Variants in ALKBH8 observed in about 807,000 individuals in gnomAD.
ALKBH8 encodes the protein alkB homolog 8, tRNA methyltransferase.
In ALKBH8, 36 loss-of-function variants were observed where a neutral mutation model predicts 59.8. The observed-to-expected ratio is 0.60, with a 90% CI of 0.46 to 0.79. ALKBH8 has a LOEUF of 0.79. Ranked by LOEUF, ALKBH8 falls within the 30% of genes least tolerant of loss-of-function variation. ALKBH8 has a pLI of 0.00. For missense variants in ALKBH8, 768 were observed against 801.0 expected (o/e 0.96, Z 0.50); for synonymous variants, 276 against 273.6 (o/e 1.01, Z -0.09).
At chr11:107,547,343 A>T (rs1864303474) in intron 7 of ALKBH8, among the ~76,000 whole-genome samples, 1 of 152,198 alleles carries the variant, frequency 6.6e-6, no homozygotes, top group South Asian at 2.1e-4. Flanking sequence ...GCAAGAGTGG[A>T]AAGTCATCTC....
At position 107,551,959 on chromosome 11, in the gene ALKBH8, C is replaced by T. The variant is rs566707609; in HGVS notation, c.596-47G>A. ...ACAAAACATTAAAATATTTACTTTG[C>T]TTGTTTTACTCAACAATTTTAAAAG... is the stretch of plus-strand genomic sequence containing the variant. On this transcript the variant is annotated intron_variant, in intron 5 of 11. Transcript: ENST00000428149. The T allele has an allele frequency of 1.5e-5, 17 of 1,122,474 alleles. No individual in the cohort carries two copies. In the East Asian group the frequency reaches 4.8e-4, roughly 32 times the overall value. The allele number at this position is 1,122,474 out of a possible 1,614,324, so 69.5% of individuals were successfully genotyped here. A position where few individuals can be genotyped will look rare whatever the true frequency, so the allele number is the denominator to read the frequency against.
rs1266488248 is a variant in ALKBH8 at position 107,553,942 on chromosome 11, G to T, written c.404C>A (p.Pro135Gln). Reference sequence around the variant, plus strand: ...TATTTCTTCTACTACCATGAGTCCTGGTGGTAAGGCTTGAGGCCTCAACTC... The same window carrying T: ...TATTTCTTCTACTACCATGAGTCCTTGTGGTAAGGCTTGAGGCCTCAACTC... Reference protein sequence around the residue: ...WKELRPQALPPGLMVVEEIIS... With the variant: ...WKELRPQALPQGLMVVEEIIS... Residue 135 changes from proline (P) to glutamine (Q), a missense_variant, in exon 4 of 12, where the codon CCA becomes CAA. Transcript: ENST00000428149. 6 of 1,613,740 alleles carry T rather than the reference G, an allele frequency of 3.7e-6. No individual in the cohort carries two copies. The highest frequency in any genetic ancestry group is 5.1e-6 in the Non-Finnish European group (6 of 1,179,820).
rs555062211 is a variant in ALKBH8 at position 107,532,313 on chromosome 11, G to A, written c.865C>T (p.Leu289Phe). 1.2e-5 allele frequency: 20 copies of A among 1,613,082 alleles called. 1 individual carries two copies. The South Asian group carries it at 1.9e-4, about 15-fold the overall frequency. The change falls in exon 8 of 12, where the codon CTT becomes TTT. Residue 289 changes from leucine to phenylalanine, a missense_variant. Leu to Phe is a conservative substitution (Grantham distance 22, BLOSUM62 0). Transcript: ENST00000428149. Reference protein sequence around the residue: ...LLVMTGESRYLWTHGITCRKF... With the variant: ...LLVMTGESRYFWTHGITCRKF... The stretch of plus-strand genomic sequence containing the variant: ...TTCAATACATACCCATGGGTCCAAA[G>A]GTATCTAGATTCTCCTGTCATCACC...
intron 9 of ALKBH8, among the ~76,000 whole-genome samples, chr11:107,524,835 A>T (rs141952793): frequency 1.5e-3 from 234 of 152,322 alleles, no homozygotes; most frequent in African/African-American, 5.2e-3. Flanking sequence ...TATTATTACT[A>T]TCATTACAAA....
At chr11:107,544,001 T>A (rs1200710387) in intron 7 of ALKBH8, among the ~76,000 whole-genome samples, 2 of 152,230 alleles carry the variant, frequency 1.3e-5, no homozygotes, top group Non-Finnish European at 2.9e-5. Flanking sequence ...ATGTCTGCAG[T>A]ATGTACATAT....
chr11:107,558,258 T>C (rs374822238), intron 2 of ALKBH8, among the ~76,000 whole-genome samples: 102 of 152,100 alleles, frequency 6.7e-4, no homozygotes, highest in African/African-American at 2.4e-3. Flanking sequence ...AATTGGACAA[T>C]AAGGAAAGTA....
chr11:107,565,648 T>G lies in ALKBH8; in HGVS notation c.-54A>C. The G allele has an allele frequency of 6.5e-7, 1 of 1,535,706 alleles. No homozygotes were observed. On this transcript the variant is annotated 5_prime_UTR_variant, in exon 1 of 12. Coordinates refer to ENST00000428149, the MANE Select transcript of ALKBH8 (RefSeq NM_138775.3). ...TTCTCACCATGCGTGTGCCTTCTTCTTTGCCAGCCTCTCCACTCTAGCACC... is the reference window on the plus strand; with the variant it reads ...TTCTCACCATGCGTGTGCCTTCTTCGTTGCCAGCCTCTCCACTCTAGCACC...
chr11:107,516,797 T>C (rs1329466932), intron 10 of ALKBH8, among the ~76,000 whole-genome samples: 1 of 152,144 alleles, frequency 6.6e-6, no homozygotes, highest in Non-Finnish European at 1.5e-5. Flanking sequence ...GGTGGGTGGA[T>C]CACTGAAGCC....
intron 10 of ALKBH8, among the ~76,000 whole-genome samples, chr11:107,517,689 C>T (rs1862923673): frequency 6.6e-6 from 1 of 152,156 alleles, no homozygotes; most frequent in Non-Finnish European, 1.5e-5. Context: ...TGATCTCACT[C>T]ATACTTGGAA....
chr11:107,520,399 T>A (rs1024379444), intron 10 of ALKBH8, among the ~76,000 whole-genome samples: 1 of 152,232 alleles, frequency 6.6e-6, no homozygotes, highest in Non-Finnish European at 1.5e-5. Context: ...TTTCTGTTTA[T>A]CAAGAAATCA....
chr11:107,543,505 T>TA lies in ALKBH8; in HGVS notation c.771+6247dup, dbSNP rs535427904. Among the ~76,000 whole-genome samples, 62 of 152,338 alleles carry TA rather than the reference T, an allele frequency of 4.1e-4. No homozygotes were observed. The South Asian group carries it at 0.013, about 31-fold the overall frequency. The stretch of plus-strand genomic sequence containing the variant: ...CAACCAACATGCTCCATTCCTTCTA[T>TA]AATGTGTACCCATGCCCTGAATATT... On this transcript the variant is annotated intron_variant, in intron 7 of 11. Coordinates refer to ENST00000428149, the MANE Select transcript of ALKBH8 (RefSeq NM_138775.3).
chr11:107,527,275 G>A (rs909528700), intron 8 of ALKBH8, among the ~76,000 whole-genome samples: 1 of 151,892 alleles, frequency 6.6e-6, no homozygotes, highest in African/African-American at 2.4e-5. Context: ...CTCCAGGCAA[G>A]GTTATCTCTC....
chr11:107,532,277 T>C, intron 8 of ALKBH8, 23 bp downstream of exon 8: 1 of 1,585,680 alleles, frequency 6.3e-7, no homozygotes, highest in Non-Finnish European at 8.6e-7. Flanking sequence ...AGAAAAAGAA[T>C]CCTGTCATAT....
At chr11:107,565,489 C>T in intron 1 of ALKBH8, 112 bp downstream of exon 1, 1 of 1,476,200 alleles carries the variant, frequency 6.8e-7, no homozygotes, top group Non-Finnish European at 9.1e-7. Context: ...CATCCCCTTT[C>T]CCTAGGTTCT....
chr11:107,536,555 C>A (rs1364640141), intron 7 of ALKBH8, among the ~76,000 whole-genome samples: 1 of 152,128 alleles, frequency 6.6e-6, no homozygotes, highest in East Asian at 1.9e-4. Context: ...AGCACCAACT[C>A]CCCCCAGTCC....
chr11:107,504,972 T>C lies in ALKBH8; in HGVS notation c.1681A>G (p.Asn561Asp), dbSNP rs1258566168. 1 of 1,551,784 alleles carries C rather than the reference T, an allele frequency of 6.4e-7. No homozygotes were observed. Among genetic ancestry groups the C allele is most frequent in the Admixed American group, 2.0e-5 (1 of 50,988 alleles). Residue 561 changes from asparagine (N) to aspartate (D), a missense_variant, in exon 12 of 12, where the codon AAT becomes GAT. Transcript: ENST00000428149. Reference protein sequence around the residue: ...RDSASSVPRINDSQEGGCNSR... With the variant: ...RDSASSVPRIDDSQEGGCNSR... ...TTACATCCTCCTTCCTGAGAGTCATTAATGCGGGGGACAGAAGATGCCGAG... is the reference window on the plus strand; with the variant it reads ...TTACATCCTCCTTCCTGAGAGTCATCAATGCGGGGGACAGAAGATGCCGAG...
chr11:107,564,287 T>C (rs1436946072), intron 1 of ALKBH8, among the ~76,000 whole-genome samples: 2 of 152,190 alleles, frequency 1.3e-5, no homozygotes, highest in Non-Finnish European at 1.5e-5. Flanking sequence ...TAGTAGTATG[T>C]ACATCATGCC....
At chr11:107,541,185 T>C (rs1415363867) in intron 7 of ALKBH8, among the ~76,000 whole-genome samples, 1 of 152,204 alleles carries the variant, frequency 6.6e-6, no homozygotes, top group Admixed American at 6.5e-5. Context: ...TTGGCGATAA[T>C]GATCATGGCA....
intron 11 of ALKBH8, among the ~76,000 whole-genome samples, chr11:107,510,272 A>G (rs1862567177): frequency 6.6e-6 from 1 of 152,230 alleles, no homozygotes; most frequent in Non-Finnish European, 1.5e-5. Flanking sequence ...CTGACACCCA[A>G]GAAAAATAAG....
Sources: allele counts gnomAD v4.1 joint callset (sites outside exome capture counted in the v4.1 genomes callset), GRCh38; gene constraint gnomAD v4.1.1; transcripts MANE v1.5; gene names NCBI Gene and HGNC (gene_info 2026-07-23, HGNC 2026-07-21).